The following CPAMD8 variants were observed in gnomAD, a reference collection of about 807,000 sequenced individuals.
CPAMD8 encodes C3 and PZP-like alpha-2-macroglobulin domain-containing protein 8.
A neutral mutation model predicts 224.7 loss-of-function variants in CPAMD8; 146 were observed. That is an observed-to-expected ratio of 0.65 (90% CI 0.57 to 0.75). The LOEUF is 0.75. Among genes scored for constraint, CPAMD8 ranks in the 30% least tolerant of loss-of-function variants. The pLI is 0.00. For synonymous variants in CPAMD8, 966 were observed against 1,044.6 expected (o/e 0.92, Z 1.45); for missense variants, 2,301 against 2,537.5 (o/e 0.91, Z 2.00).
chr19:16,946,688 G>A (rs10423711), intron 21 of CPAMD8, among the ~76,000 whole-genome samples: 67,828 of 148,182 alleles, frequency 0.46, 15,943 homozygotes, highest in African/African-American at 0.58. Flanking sequence ...ATGTCTACAC[G>A]TGGGTGTGTG....
At chr19:16,963,666 T>G (rs578031414) in intron 18 of CPAMD8, among the ~76,000 whole-genome samples, 1 of 152,240 alleles carries the variant, frequency 6.6e-6, no homozygotes, top group Non-Finnish European at 1.5e-5. Context: ...TATCCAGGAA[T>G]TGAACTCAGC....
intron 22 of CPAMD8, among the ~76,000 whole-genome samples, chr19:16,942,512 GGTATTT>G (rs2053934893): frequency 2.0e-5 from 3 of 152,170 alleles, no homozygotes; most frequent in African/African-American, 7.2e-5. Flanking sequence ...CCCAGTCTCA[GGTATTT>G]CTTTATAGCA....
At chr19:16,984,301 A>G (rs1172642967) in intron 13 of CPAMD8, among the ~76,000 whole-genome samples, 2 of 141,408 alleles carry the variant, frequency 1.4e-5, no homozygotes, top group Non-Finnish European at 3.0e-5. Context: ...GTGACAGAGC[A>G]AGGTCCTATC....
chr19:16,978,977 CA>C (rs2055385303), intron 14 of CPAMD8, among the ~76,000 whole-genome samples: 1 of 151,178 alleles, frequency 6.6e-6, no homozygotes, highest in African/African-American at 2.4e-5. Flanking sequence ...ACCCATCCAC[CA>C]TCCAATCATC....
At chr19:17,024,389 T>C (rs537317394) in intron 1 of CPAMD8, among the ~76,000 whole-genome samples, 1 of 152,240 alleles carries the variant, frequency 6.6e-6, no homozygotes, top group Non-Finnish European at 1.5e-5. Context: ...ACTCCAGCAC[T>C]GACCAGGACA....
intron 29 of CPAMD8, 53 bp downstream of exon 29, chr19:16,914,371 T>C (rs1174118106): frequency 6.1e-6 from 9 of 1,474,354 alleles, no homozygotes; most frequent in African/African-American, 1.4e-5. Flanking sequence ...GAACCTTCCA[T>C]TTGCTCCTCC....
chr19:16,906,386 CTTTCTTTCTTTCTTTCTTTCT>C (rs1568459581), intron 30 of CPAMD8, among the ~76,000 whole-genome samples: 71 of 75,558 alleles, frequency 9.4e-4, no homozygotes, highest in Admixed American at 2.2e-3. Flanking sequence ...TTCTTTCTTT[CTTTCTTTCTTTCTTTCTTTCT>C]TTCCTTCCTT....
At chr19:16,906,398 CTTTCTT>C (rs1568459796) in intron 30 of CPAMD8, among the ~76,000 whole-genome samples, 2 of 98,716 alleles carry the variant, frequency 2.0e-5, no homozygotes, top group African/African-American at 7.6e-5. Flanking sequence ...TTCTTTCTTT[CTTTCTT>C]TCTTTCCTTC....
intron 1 of CPAMD8, among the ~76,000 whole-genome samples, chr19:17,025,994 C>T (rs1226478502): frequency 6.6e-6 from 1 of 152,144 alleles, no homozygotes; most frequent in Non-Finnish European, 1.5e-5. Flanking sequence ...CCCCTGAACC[C>T]GCAGCCCTGC....
chr19:16,967,890 C>CGTGTGTGTAT lies in CPAMD8; in HGVS notation c.2213+3000_2213+3001insATACACACAC, dbSNP rs1568539968. Reference sequence around the variant, plus strand: ...GTATATATGTGCATATATACACACACATGTGTGTGTATATATGTGCATATA... The same window carrying CGTGTGTGTAT: ...GTATATATGTGCATATATACACACACGTGTGTGTATATGTGTGTGTATATATGTGCATATA... On this transcript the variant is annotated intron_variant, in intron 18 of 41. Coordinates refer to ENST00000443236, the MANE Select transcript of CPAMD8 (RefSeq NM_015692.5). 3.7e-3 allele frequency among the ~76,000 whole-genome samples: 225 copies of CGTGTGTGTAT among 61,618 alleles called. 6 individuals carry two copies. Among genetic ancestry groups the CGTGTGTGTAT allele is most frequent in the African/African-American group, 0.016 (213 of 13,440 alleles). The allele number at this position is 61,618 out of a possible 152,430, so 40.4% of individuals were successfully genotyped here.
intron 34 of CPAMD8, among the ~76,000 whole-genome samples, chr19:16,903,168 C>T (rs190816125): frequency 6.6e-5 from 10 of 152,072 alleles, no homozygotes; most frequent in South Asian, 2.1e-4. Context: ...GATCAGAAAA[C>T]GGAGGCTAGC....
At chr19:16,963,800 A>G (rs1181576552) in intron 18 of CPAMD8, among the ~76,000 whole-genome samples, 1 of 152,122 alleles carries the variant, frequency 6.6e-6, no homozygotes, top group Non-Finnish European at 1.5e-5. Context: ...GAAGTAAAGC[A>G]CTCCTCAGCA....
chr19:16,981,052 C>T (rs1249736823), intron 13 of CPAMD8, among the ~76,000 whole-genome samples: 1 of 136,118 alleles, frequency 7.3e-6, no homozygotes, highest in African/African-American at 3.3e-5. Context: ...AGGCTGGTCT[C>T]GAACTCCTGA....
rs1438116355 is a variant in CPAMD8 at position 16,899,804 on chromosome 19, G to T, written c.4774-255C>A. 6.6e-6 allele frequency among the ~76,000 whole-genome samples: 1 copy of T among 151,976 alleles called. No individual in the cohort carries two copies. Among genetic ancestry groups the T allele is most frequent in the Non-Finnish European group, 1.5e-5 (1 of 68,016 alleles). On this transcript the variant is annotated intron_variant, in intron 36 of 41. Transcript: ENST00000443236. The surrounding 1 kb of genome is among the most constrained non-coding windows in gnomAD (Gnocchi z 5.4). ...TCCCTCAACCCAGCCCCAAGCCCAG[G>T]TCAGGCTTCTCCGTGGCCAAAGAGG...
At chr19:16,993,766 G>A (rs889632523) in intron 11 of CPAMD8, among the ~76,000 whole-genome samples, 180 bp from the exon 12 acceptor site, 2 of 152,164 alleles carry the variant, frequency 1.3e-5, no homozygotes, top group African/African-American at 2.4e-5. Flanking sequence ...AATCCTTAAA[G>A]GGAACAAAAA....
chr19:16,893,322 C>T lies in CPAMD8; in HGVS notation c.5444G>A (p.Arg1815Gln), dbSNP rs893071602. 10 of 1,537,116 alleles carry T rather than the reference C, an allele frequency of 6.5e-6. No individual in the cohort carries two copies. The highest frequency in any genetic ancestry group is 1.2e-5 in the South Asian group (1 of 84,216). ...CAGGTTCCCGCTGCTCACAGGAGGC[C>T]GAGGCCCGGCTGTGACCCTGGAGAT... ...EAEDRVTAGPRPPVSSGNLES... is the reference protein window; with the variant it reads ...EAEDRVTAGPQPPVSSGNLES... The change falls in exon 42 of 42, where the codon CGG (arginine) becomes CAG (glutamine). Residue 1815 changes from arginine (R) to glutamine (Q), a missense_variant. By Grantham distance (43) the Arg-to-Gln change is conservative. Transcript: ENST00000443236.
chr19:16,910,945 G>A (rs1345255206), intron 29 of CPAMD8, among the ~76,000 whole-genome samples: 1 of 152,208 alleles, frequency 6.6e-6, no homozygotes, highest in Non-Finnish European at 1.5e-5. Flanking sequence ...AGCCTGCAGA[G>A]GGAGCAAGGG....
chr19:16,944,425 C>T (rs2054004183), intron 22 of CPAMD8, among the ~76,000 whole-genome samples: 1 of 152,164 alleles, frequency 6.6e-6, no homozygotes, highest in African/African-American at 2.4e-5. Flanking sequence ...GGGAAGGAGA[C>T]CCTCAAGAGT....
At chr19:17,012,017 G>A (rs2056668029) in intron 3 of CPAMD8, among the ~76,000 whole-genome samples, 1 of 152,024 alleles carries the variant, frequency 6.6e-6, no homozygotes, top group South Asian at 2.1e-4. Context: ...TTGGCAAACT[G>A]CCCCAAATAT....
Sources: allele counts gnomAD v4.1 joint callset (sites outside exome capture counted in the v4.1 genomes callset), GRCh38; gene constraint gnomAD v4.1.1; non-coding constraint Gnocchi (gnomAD v3.1); transcripts MANE v1.5; gene names NCBI Gene and HGNC (gene_info 2026-07-23, HGNC 2026-07-21).